INSC: variants seen among roughly 807,000 people sequenced by gnomAD.
The protein encoded by INSC is INSC spindle orientation adaptor protein, also known as protein inscuteable homolog.
In INSC, 67 loss-of-function variants were observed where a neutral mutation model predicts 58.6. That is an observed-to-expected ratio of 1.14 (90% CI 0.94 to 1.40). The LOEUF (loss-of-function observed/expected upper bound fraction) is 1.40. Among genes scored for constraint, INSC ranks in the 40% most tolerant of loss-of-function variants. The pLI, the probability that INSC is intolerant of heterozygous loss-of-function variation, is 0.00. For missense variants in INSC, 714 were observed against 692.0 expected (o/e 1.03, Z -0.36); for synonymous variants, 262 against 276.1 (o/e 0.95, Z 0.51).
intron 1 of INSC, among the ~76,000 whole-genome samples, chr11:15,148,826 C>T (rs764414797): frequency 7.9e-5 from 12 of 152,154 alleles, no homozygotes; most frequent in Non-Finnish European, 1.2e-4. Context: ...CTGTGCAATA[C>T]GTATGGGCTG....
At chr11:15,245,643 CATT>C (rs1852533868) in intron 12 of INSC, among the ~76,000 whole-genome samples, 1 of 152,060 alleles carries the variant, frequency 6.6e-6, no homozygotes, top group South Asian at 2.1e-4. Flanking sequence ...TAATAAAGAC[CATT>C]ATTAAGATTA....
intron 1 of INSC, among the ~76,000 whole-genome samples, chr11:15,142,659 G>A (rs1374777815): frequency 6.6e-6 from 1 of 152,108 alleles, no homozygotes; most frequent in African/African-American, 2.4e-5. Context: ...CTGTCCTATG[G>A]GAGAACTTGA....
intron 6 of INSC, among the ~76,000 whole-genome samples, chr11:15,191,486 A>G (rs1850175844): frequency 1.3e-5 from 2 of 152,210 alleles, no homozygotes; most frequent in South Asian, 4.1e-4. Context: ...TAGTGAATAA[A>G]GAGACCATCT....
chr11:15,117,639 G>A (rs1188356272), intron 1 of INSC, among the ~76,000 whole-genome samples: 2 of 152,116 alleles, frequency 1.3e-5, no homozygotes, highest in African/African-American at 4.8e-5. Context: ...CACATCCTTT[G>A]TTGAAGGAAA....
intron 9 of INSC, among the ~76,000 whole-genome samples, chr11:15,228,728 C>G (rs555313993): frequency 5.9e-5 from 9 of 152,324 alleles, no homozygotes; most frequent in African/African-American, 2.2e-4. Context: ...GGTCTTGGAT[C>G]TATACAGACT....
At chr11:15,139,527 C>T (rs1329977708) in intron 1 of INSC, among the ~76,000 whole-genome samples, 1 of 152,186 alleles carries the variant, frequency 6.6e-6, no homozygotes, top group East Asian at 1.9e-4. Flanking sequence ...TTTCTGGCTG[C>T]CTCCCAACTG....
upstream of INSC, among the ~76,000 whole-genome samples, chr11:15,114,578 G>T (rs1169912460): frequency 1.3e-5 from 2 of 152,172 alleles, no homozygotes; most frequent in Non-Finnish European, 2.9e-5. Flanking sequence ...GGGCGACCCC[G>T]CCTGGACGGC....
chr11:15,215,843 A>C (rs757546659), intron 7 of INSC, among the ~76,000 whole-genome samples: 14 of 152,184 alleles, frequency 9.2e-5, no homozygotes, highest in Admixed American at 2.6e-4. Flanking sequence ...AGGGAGGTGC[A>C]TGCATGTTCA....
intron 1 of INSC, among the ~76,000 whole-genome samples, chr11:15,131,527 AT>A: frequency 6.6e-6 from 1 of 152,196 alleles, no homozygotes. Context: ...CTTACTGATC[AT>A]TTTCCTGCTT....
chr11:15,231,595 T>C (rs1361488984), intron 9 of INSC, among the ~76,000 whole-genome samples: 2 of 152,234 alleles, frequency 1.3e-5, no homozygotes, highest in African/African-American at 2.4e-5. Context: ...ATTTCAGAGT[T>C]AACACGGTGA....
chr11:15,172,475 G>T (rs1427252204), intron 2 of INSC, among the ~76,000 whole-genome samples: 1 of 152,214 alleles, frequency 6.6e-6, no homozygotes, highest in African/African-American at 2.4e-5. Context: ...ACAAGAGACT[G>T]TTCCTCACAG....
At chr11:15,174,433 T>G (rs1379186495) in intron 2 of INSC, among the ~76,000 whole-genome samples, 1 of 152,210 alleles carries the variant, frequency 6.6e-6, no homozygotes, top group African/African-American at 2.4e-5. Context: ...TTTTGAAAAT[T>G]GACTGTTCTC....
chr11:15,229,977 TATTATATA>T (rs1403774445), intron 9 of INSC, among the ~76,000 whole-genome samples: 8 of 11,174 alleles, frequency 7.2e-4, no homozygotes, highest in Admixed American at 1.4e-3. Flanking sequence ...TATATATATA[TATTATATA>T]TATATATATA....
chr11:15,162,682 T>A (rs1489691415), intron 2 of INSC, among the ~76,000 whole-genome samples: 5 of 152,222 alleles, frequency 3.3e-5, no homozygotes, highest in Admixed American at 6.5e-5. Context: ...GCTAGAACAG[T>A]TCCTGGCACC....
At chr11:15,229,972 AT>A (rs1193086677) in intron 9 of INSC, among the ~76,000 whole-genome samples, 3 of 13,668 alleles carry the variant, frequency 2.2e-4, no homozygotes, top group Non-Finnish European at 3.0e-4. Context: ...ATATATATAT[AT>A]ATATATTATA....
chr11:15,240,863 C>A (rs147016906), intron 12 of INSC, among the ~76,000 whole-genome samples: 2,062 of 152,224 alleles, frequency 0.014, 56 homozygotes, highest in African/African-American at 0.046. Context: ...AACATGGGAG[C>A]TAGGATAGGG....
At chr11:15,265,290 A>T in the INSC span, among the ~76,000 whole-genome samples, 4 of 152,078 alleles carry the variant, frequency 2.6e-5, no homozygotes. Context: ...TCATCAATCA[A>T]ATTTCTTATT....
upstream of INSC, among the ~76,000 whole-genome samples, chr11:15,112,105 A>T (rs1329599796): frequency 6.6e-6 from 1 of 152,130 alleles, no homozygotes; most frequent in African/African-American, 2.4e-5. Flanking sequence ...ACATGTATAT[A>T]TGTGTTTAGG....
chr11:15,153,214 G>A (rs922640706), intron 2 of INSC, among the ~76,000 whole-genome samples: 11 of 152,162 alleles, frequency 7.2e-5, no homozygotes, highest in African/African-American at 2.7e-4. Flanking sequence ...TGGATTTGTA[G>A]CAAGTATACA....
Sources: gnomAD v4.1 joint callset for allele counts (sites outside exome capture counted in the v4.1 genomes callset) on GRCh38, gnomAD v4.1.1 for gene constraint, MANE v1.5 for transcripts, NCBI Gene and HGNC (gene_info 2026-07-23, HGNC 2026-07-21) for gene names.